BEND2: variants seen among roughly 807,000 people sequenced by gnomAD.
BEND2 encodes the protein BEN domain containing 2.
BEND2 carries 19 observed loss-of-function variants against 43.8 expected under a neutral mutation model. That is an observed-to-expected ratio of 0.43 (90% confidence interval 0.30 to 0.64). The LOEUF (loss-of-function observed/expected upper bound fraction) is 0.64, where lower values mean the gene tolerates loss of function less well. Ranked by LOEUF, BEND2 falls within the 30% of genes least tolerant of loss-of-function variation. BEND2 has a pLI of 0.11. For missense variants in BEND2, 544 were observed against 574.0 expected, an observed-to-expected ratio of 0.95 and a Z score of 0.53; for synonymous variants, 226 against 210.1, an observed-to-expected ratio of 1.08 and a Z score of -0.66.
At chrX:18,177,888 G>A (rs751220617) in intron 9 of BEND2, 119 bp from the exon 10 acceptor site, 371 of 653,553 alleles carry the variant, frequency 5.7e-4, no homozygotes, top group Middle Eastern at 1.1e-3. Flanking sequence ...GGCAAATGCA[G>A]ATAAATGATT....
intron 4 of BEND2, among the ~76,000 whole-genome samples, 163 bp from the exon 5 acceptor site, chrX:18,204,078 A>T (rs1006803448): frequency 1.8e-5 from 2 of 112,677 alleles, no homozygotes; most frequent in African/African-American, 6.4e-5. Context: ...AATGAGGCTT[A>T]AAAAGTTTAT....
chrX:18,197,241 C>G lies in BEND2; in HGVS notation c.1034-1799G>C, dbSNP rs980430739. Among the ~76,000 whole-genome samples, 3 of 111,342 alleles carry G rather than the reference C, an allele frequency of 2.7e-5. No individual in the cohort carries two copies. The East Asian group carries it at 8.5e-4, about 31-fold the overall frequency. ...CCTAAGGTCAGGCGTTTGAGACCAG[C>G]CTGGCCAACATGGTGAAACCCCGTC... is the stretch of plus-strand genomic sequence containing the variant. On this transcript the variant is annotated intron_variant, in intron 6 of 13. Coordinates refer to ENST00000380033, the MANE Select transcript of BEND2 (RefSeq NM_153346.5).
intron 7 of BEND2, among the ~76,000 whole-genome samples, chrX:18,193,314 G>A (rs1316661545): frequency 9.8e-6 from 1 of 102,442 alleles, no homozygotes; most frequent in Non-Finnish European, 2.0e-5. Context: ...AGAGATTTTT[G>A]AGACTCTGTC....
At chrX:18,213,748 C>CTAAAAA (rs199497610) in intron 3 of BEND2, 26 bp downstream of exon 3, 18,185 of 150,182 alleles carry the variant, frequency 0.12, 1,158 homozygotes, top group East Asian at 0.29. Flanking sequence ...ATCATCTCTA[C>CTAAAAA]TAAAAATAAA....
At chrX:18,187,197 T>C (rs1255238084) in intron 8 of BEND2, among the ~76,000 whole-genome samples, 5 of 110,666 alleles carry the variant, frequency 4.5e-5, no homozygotes, top group Admixed American at 3.9e-4. Flanking sequence ...AATCAAAAGA[T>C]AGAGTGGCTG....
Position 18,195,209 on chromosome X carries a change from A to G in BEND2, c.1180+87T>C, listed in dbSNP as rs932453549. 4.0e-6 allele frequency: 4 copies of G among 1,008,046 alleles called. No homozygotes were observed. In the Admixed American group the frequency reaches 1.1e-4, roughly 27 times the overall value. 83.1% of individuals were successfully genotyped at this position (1,008,046 alleles called of 1,213,427 possible). ...CCTCAATATGAAAAGTTTAATTTGT[A>G]AAAAGCTACCACTAAGAATTAATAT... On this transcript the variant is annotated intron_variant, in intron 7 of 13. Transcript: ENST00000380033.
In BEND2 at chrX:18,198,042, A is replaced by C. The variant is rs751744105; in HGVS notation, c.1034-2600T>G. On this transcript the variant is annotated intron_variant, in intron 6 of 13. Coordinates refer to ENST00000380033, the MANE Select transcript of BEND2 (RefSeq NM_153346.5). ...GGATCCCTTCCTTACACCTTATACA[A>C]AAATTAATTCAAGATGGCGTAAAGA... 6.3e-5 allele frequency among the ~76,000 whole-genome samples: 7 copies of C among 111,953 alleles called. No individual in the cohort carries two copies. The East Asian group carries it at 1.1e-3, about 18-fold the overall frequency.
chrX:18,186,922 G>A (rs1240592613), intron 8 of BEND2, among the ~76,000 whole-genome samples: 2 of 106,067 alleles, frequency 1.9e-5, no homozygotes, highest in South Asian at 4.3e-4. Context: ...AGCCAAGATC[G>A]TACCACTGCA....
At chrX:18,197,809 T>A (rs974565582) in intron 6 of BEND2, among the ~76,000 whole-genome samples, 8 of 111,651 alleles carry the variant, frequency 7.2e-5, no homozygotes, top group African/African-American at 2.0e-4. Context: ...TCTCCCAGAA[T>A]TCCCGCATGT....
chrX:18,165,833 G>A (rs995806835), intron 13 of BEND2, among the ~76,000 whole-genome samples: 5 of 111,533 alleles, frequency 4.5e-5, no homozygotes, highest in African/African-American at 1.6e-4. Context: ...AGAAGAGCAG[G>A]GCTGCCCTCG....
chrX:18,216,577 T>C lies in BEND2; in HGVS notation c.182A>G (p.Gln61Arg). ...ATCATTGCCGCCTGGAAAATTTGGTTGTGTGGCTGTGTCATCAGTGGGATT... is the reference window on the plus strand; with the variant it reads ...ATCATTGCCGCCTGGAAAATTTGGTCGTGTGGCTGTGTCATCAGTGGGATT... ...ADNPTDDTAT[Q>R]PNFPGGNDGH... Residue 61 changes from glutamine to arginine, a missense_variant, in exon 2 of 14, where the codon CAA becomes CGA. By Grantham distance (43) the Gln-to-Arg change is conservative. Transcript: ENST00000380033. The C allele has an allele frequency of 1.7e-6, 2 of 1,208,402 alleles. No homozygotes were observed. Among genetic ancestry groups the C allele is most frequent in the Non-Finnish European group, 2.2e-6 (2 of 892,596 alleles).
chrX:18,216,640 T>C lies in BEND2; in HGVS notation c.119A>G (p.Asn40Ser), dbSNP rs1444757893. 1 of 1,207,744 alleles carries C rather than the reference T, an allele frequency of 8.3e-7. No individual in the cohort carries two copies. The highest frequency in any genetic ancestry group is 1.7e-5 in the African/African-American group (1 of 57,738). The change falls in exon 2 of 14, where the codon AAT (asparagine) becomes AGT (serine). Residue 40 changes from asparagine (N) to serine (S), a missense_variant. By Grantham distance (46) the Asn-to-Ser change is conservative. Coordinates refer to ENST00000380033, the MANE Select transcript of BEND2 (RefSeq NM_153346.5). ...EVSETADNSTNDIADDSTYVT... is the reference protein window; with the variant it reads ...EVSETADNSTSDIADDSTYVT... ...ATAAGTGGAATCATCTGCTATGTCA[T>C]TAGTGGAATTATCTGCTGTTTCAGA... is the stretch of plus-strand genomic sequence containing the variant.
intron 1 of BEND2, 99 bp from the exon 2 acceptor site, chrX:18,216,832 A>G: frequency 1.5e-6 from 1 of 652,534 alleles, no homozygotes; most frequent in Non-Finnish European, 2.3e-6. Context: ...TTTAAAAAAC[A>G]TATTTTAGCT....
At chrX:18,180,443 G>A in intron 9 of BEND2, 67 bp downstream of exon 9, 3 of 1,177,984 alleles carry the variant, frequency 2.5e-6, no homozygotes, top group Non-Finnish European at 3.4e-6. Flanking sequence ...TCACTGTCTT[G>A]CATCAAGGAA....
intron 4 of BEND2, among the ~76,000 whole-genome samples, chrX:18,208,993 T>C (rs1925426024): frequency 9.0e-6 from 1 of 111,001 alleles, no homozygotes; most frequent in South Asian, 3.8e-4. Context: ...CAGATGAGCC[T>C]AGACTATCTT....
chrX:18,177,204 C>T (rs1011698004), intron 10 of BEND2, among the ~76,000 whole-genome samples: 2 of 93,189 alleles, frequency 2.1e-5, no homozygotes, highest in Non-Finnish European at 4.3e-5. Flanking sequence ...ACTGACAAGT[C>T]TTTTATTCCC....
At chrX:18,185,525 A>G (rs893353892) in intron 8 of BEND2, among the ~76,000 whole-genome samples, 73 of 73,293 alleles carry the variant, frequency 1.0e-3, no homozygotes, top group African/African-American at 2.8e-3. Context: ...AGCGAGACTC[A>G]GTCGCAAAAA....
intron 7 of BEND2, 92 bp downstream of exon 7, chrX:18,195,203 AT>A: frequency 1.0e-6 from 1 of 995,224 alleles, no homozygotes; most frequent in Non-Finnish European, 1.3e-6. Context: ...GAAAAGTTTA[AT>A]TTGTAAAAAG....
At chrX:18,200,280 G>A (rs5955945) in intron 6 of BEND2, among the ~76,000 whole-genome samples, 3,468 of 110,525 alleles carry the variant, frequency 0.031, 135 homozygotes, top group African/African-American at 0.11. Context: ...TGGCAGGCAG[G>A]CCACCTGAGG....
Sources: allele counts gnomAD v4.1 joint callset (sites outside exome capture counted in the v4.1 genomes callset), GRCh38; gene constraint gnomAD v4.1.1; transcripts MANE v1.5; gene names NCBI Gene and HGNC (gene_info 2026-07-23, HGNC 2026-07-21).